HOOK1: variants seen among roughly 807,000 people sequenced by gnomAD.
The protein encoded by HOOK1 is protein Hook homolog 1.
Under a neutral mutation model 112.8 loss-of-function variants are expected in HOOK1, and 60 were observed. That is an observed-to-expected ratio of 0.53 (90% CI 0.43 to 0.66). The LOEUF is 0.66. HOOK1 is among the 30% of genes least tolerant of loss of function. The pLI, the probability that HOOK1 is intolerant of heterozygous loss-of-function variation, is 0.00. For synonymous variants in HOOK1, 294 were observed against 283.8 expected (o/e 1.04, Z -0.36); for missense variants, 770 against 856.0 (o/e 0.90, Z 1.25).
At chr1:59,871,421 CA>C (rs1644053777) in intron 21 of HOOK1, among the ~76,000 whole-genome samples, 1 of 152,122 alleles carries the variant, frequency 6.6e-6, no homozygotes. Flanking sequence ...CTGAAACACT[CA>C]ATTTTTGCCC....
chr1:59,855,979 TATA>T (rs2098410471), intron 12 of HOOK1, among the ~76,000 whole-genome samples: 8 of 87,380 alleles, frequency 9.2e-5, no homozygotes, highest in South Asian at 4.0e-4. Context: ...TATATATATA[TATA>T]TATTTTTTTT....
In HOOK1 at chr1:59,872,937, T is replaced by TA; in HGVS notation, c.2159_2160insA (p.Lys721Ter). ...ACCAACACCAGAAGAAATCTCTCTGTTAAAGTCCCTGCTACAACATCTGAT... is the reference window on the plus strand; with the variant it reads ...ACCAACACCAGAAGAAATCTCTCTGTATAAAGTCCCTGCTACAACATCTGAT... On this transcript the variant is annotated frameshift_variant, in exon 22 of 22. Transcript: ENST00000371208. LOFTEE classifies it high-confidence loss of function. 1 of 1,512,212 alleles carries TA rather than the reference T, an allele frequency of 6.6e-7. No individual in the cohort carries two copies. Among genetic ancestry groups the TA allele is most frequent in the Non-Finnish European group, 8.9e-7 (1 of 1,120,846 alleles). 93.7% of individuals were successfully genotyped at this position (1,512,212 alleles called of 1,614,324 possible).
chr1:59,830,921 G>A (rs2102017567), intron 3 of HOOK1, among the ~76,000 whole-genome samples: 1 of 143,970 alleles, frequency 6.9e-6, no homozygotes, highest in South Asian at 2.2e-4. Flanking sequence ...TTTTTCCTGA[G>A]ACAGAATTTC....
intron 2 of HOOK1, among the ~76,000 whole-genome samples, chr1:59,823,125 C>A (rs767962996): frequency 1.3e-5 from 2 of 152,154 alleles, no homozygotes; most frequent in African/African-American, 4.8e-5. Context: ...TCGAGACCAT[C>A]CTGGCTAACA....
intron 3 of HOOK1, 110 bp downstream of exon 3, chr1:59,828,962 A>G (rs1419777237): frequency 2.5e-6 from 2 of 809,378 alleles, no homozygotes; most frequent in Non-Finnish European, 3.9e-6. Context: ...TTTGTTGTGT[A>G]TAGTTTGAGT....
chr1:59,864,592 A>C (rs764041600), intron 16 of HOOK1, 40 bp from the exon 17 acceptor site: 10 of 1,338,576 alleles, frequency 7.5e-6, no homozygotes, highest in Non-Finnish European at 1.1e-5. Context: ...GACCTTTGTC[A>C]AGATAGTCAT....
chr1:59,829,603 C>A (rs963592269), intron 3 of HOOK1, among the ~76,000 whole-genome samples: 2 of 152,056 alleles, frequency 1.3e-5, no homozygotes, highest in African/African-American at 4.8e-5. Context: ...AATAACTGAT[C>A]TTTAATGATG....
chr1:59,855,214 G>A (rs139456310), intron 12 of HOOK1, among the ~76,000 whole-genome samples: 95 of 152,280 alleles, frequency 6.2e-4, no homozygotes, highest in African/African-American at 2.1e-3. Context: ...GGGATTCATC[G>A]TAAAGATTGT....
chr1:59,834,313 T>C (rs1340970688), intron 5 of HOOK1, among the ~76,000 whole-genome samples: 1 of 152,106 alleles, frequency 6.6e-6, no homozygotes, highest in East Asian at 1.9e-4. Flanking sequence ...GTCTGACTAA[T>C]GAAGAAAGGA....
At chr1:59,851,460 A>G (rs1374983232) in intron 12 of HOOK1, among the ~76,000 whole-genome samples, 1 of 151,274 alleles carries the variant, frequency 6.6e-6, no homozygotes, top group Non-Finnish European at 1.5e-5. Flanking sequence ...TCATTTTTGG[A>G]TTTGTTAACT....
chr1:59,857,076 G>A (rs1430313766), intron 12 of HOOK1, among the ~76,000 whole-genome samples: 1 of 152,170 alleles, frequency 6.6e-6, no homozygotes, highest in African/African-American at 2.4e-5. Flanking sequence ...GCAAACAGTT[G>A]CTGATGATTC....
rs190128136 is a variant in HOOK1 at position 59,869,359 on chromosome 1, T to A, written c.1947+1008T>A. On this transcript the variant is annotated intron_variant, in intron 20 of 21. Coordinates refer to ENST00000371208, the MANE Select transcript of HOOK1 (RefSeq NM_015888.6). Reference sequence around the variant, plus strand: ...GGTGCATGCCACCACGCCCAACTAATTTTTGTATTTTTTGTAGAGATAGGG... The same window carrying A: ...GGTGCATGCCACCACGCCCAACTAAATTTTGTATTTTTTGTAGAGATAGGG... 9.5e-4 allele frequency among the ~76,000 whole-genome samples: 145 copies of A among 152,126 alleles called. 3 individuals are homozygous for A. The East Asian group carries it at 0.02, about 21-fold the overall frequency.
chr1:59,817,775 A>G (rs1242275908), intron 1 of HOOK1, among the ~76,000 whole-genome samples: 1 of 152,108 alleles, frequency 6.6e-6, no homozygotes, highest in African/African-American at 2.4e-5. Flanking sequence ...AACCATTTCT[A>G]AAGTTTGTCT....
intron 15 of HOOK1, among the ~76,000 whole-genome samples, chr1:59,861,098 A>G (rs980347704): frequency 6.6e-6 from 1 of 151,988 alleles, no homozygotes; most frequent in Admixed American, 6.6e-5. Context: ...ATTAGTAGAG[A>G]TGGGGCTTCA....
chr1:59,849,100 T>C lies in HOOK1; in HGVS notation c.1159T>C (p.Ser387Pro). 6.2e-7 allele frequency: 1 copy of C among 1,608,100 alleles called. No homozygotes were observed. The highest frequency in any genetic ancestry group is 8.5e-7 in the Non-Finnish European group (1 of 1,176,204). The change falls in exon 12 of 22, where the codon TCC (serine) becomes CCC (proline). Residue 387 changes from serine (S) to proline (P), a missense_variant. Ser to Pro is a moderately conservative substitution (Grantham distance 74). This residue lies in a region of HOOK1 where 655 missense variants were observed against 725.9 expected (regional missense o/e 0.90). Coordinates refer to ENST00000371208, the MANE Select transcript of HOOK1 (RefSeq NM_015888.6). ...QVQDLHVKLS[S>P]ESKRADTLAF... ...TCAAGATCTTCATGTTAAACTTTCCTCCGAATCCAAGAGGGCAGACACACT... is the reference window on the plus strand; with the variant it reads ...TCAAGATCTTCATGTTAAACTTTCCCCCGAATCCAAGAGGGCAGACACACT...
chr1:59,819,138 ATTTTTTTT>A (rs60936378), intron 1 of HOOK1, among the ~76,000 whole-genome samples: 26 of 76,540 alleles, frequency 3.4e-4, no homozygotes, highest in African/African-American at 9.4e-4. Context: ...CCCAATAAGC[ATTTTTTTT>A]TTTTTTTTTT....
In HOOK1 at chr1:59,848,326, A is replaced by G; in HGVS notation, c.941A>G (p.Asp314Gly). 6.2e-7 allele frequency: 1 copy of G among 1,610,192 alleles called. No individual in the cohort carries two copies. Among genetic ancestry groups the G allele is most frequent in the Non-Finnish European group, 8.5e-7 (1 of 1,177,262 alleles). The change falls in exon 11 of 22, where the codon GAT (aspartate) becomes GGT (glycine). Residue 314 changes from aspartate to glycine, a missense_variant. Coordinates refer to ENST00000371208, the MANE Select transcript of HOOK1 (RefSeq NM_015888.6). The part of the protein sequence containing the change: ...DEIDVLRATS[D>G]KANKLESTVE... ...CTTTATGATTATAGGGCTACCTCTG[A>G]TAAAGCAAATAAACTGGAGTCAACA...
intron 2 of HOOK1, among the ~76,000 whole-genome samples, chr1:59,823,301 C>T (rs1559042908): frequency 1.3e-5 from 2 of 152,318 alleles, no homozygotes; most frequent in South Asian, 2.1e-4. Flanking sequence ...GCCTGGGTGA[C>T]AGAGCAAGAC....
In HOOK1 at chr1:59,858,503, C is replaced by A; in HGVS notation, c.1318C>A (p.Leu440Ile). ...LRCSQVQQDH[L>I]NQTDASATKS... ...ATGTTCACAAGTACAACAGGACCAC[C>A]TAAACCAAACAGGTTAATTTTGTTA... The change falls in exon 13 of 22, where the codon CTA becomes ATA. Residue 440 changes from leucine (L) to isoleucine (I), a missense_variant. Coordinates refer to ENST00000371208, the MANE Select transcript of HOOK1 (RefSeq NM_015888.6). The A allele has an allele frequency of 6.2e-7, 1 of 1,609,094 alleles. No individual in the cohort carries two copies. Among genetic ancestry groups the A allele is most frequent in the South Asian group, 1.1e-5 (1 of 90,960 alleles).
Sources: gnomAD v4.1 joint callset for allele counts (sites outside exome capture counted in the v4.1 genomes callset) on GRCh38, gnomAD v4.1.1 for gene constraint, gnomAD v4.1.1 regional missense constraint, MANE v1.5 for transcripts, NCBI Gene and HGNC (gene_info 2026-07-23, HGNC 2026-07-21) for gene names.